The following PFKP variants were observed in gnomAD, a reference collection of about 807,000 sequenced individuals.
PFKP encodes ATP-dependent 6-phosphofructokinase, platelet type.
In PFKP, 101 loss-of-function variants were observed where a neutral mutation model predicts 94.3. The observed-to-expected ratio is 1.07, with a 90% confidence interval of 0.91 to 1.26. The LOEUF (loss-of-function observed/expected upper bound fraction) is 1.26. Among genes scored for constraint, PFKP ranks in the 50% most tolerant of loss-of-function variants. PFKP has a pLI of 0.00. For missense variants in PFKP, 1,145 were observed against 1,103.3 expected, an observed-to-expected ratio of 1.04 and a Z score of -0.53; for synonymous variants, 573 against 432.6, an observed-to-expected ratio of 1.32 and a Z score of -4.03.
chr10:3,134,706 C>G, intron 20 of PFKP, 124 bp downstream of exon 20: 1 of 636,324 alleles, frequency 1.6e-6, no homozygotes, highest in South Asian at 2.0e-5. Flanking sequence ...CTGAGCTGCA[C>G]GTGATGTTTT....
At chr10:3,073,322 A>G (rs1248422451) in intron 1 of PFKP, among the ~76,000 whole-genome samples, 5 of 151,858 alleles carry the variant, frequency 3.3e-5, no homozygotes, top group Non-Finnish European at 5.9e-5. Flanking sequence ...ACATATCCAC[A>G]GTGAAAGTGT....
chr10:3,135,084 A>C (rs986376250), intron 20 of PFKP, among the ~76,000 whole-genome samples: 6 of 152,220 alleles, frequency 3.9e-5, no homozygotes, highest in Admixed American at 3.3e-4. Flanking sequence ...CTTTAAACTG[A>C]AGTTTCAAGA....
At chr10:3,095,123 T>A (rs898556478) in intron 2 of PFKP, among the ~76,000 whole-genome samples, 7 of 152,006 alleles carry the variant, frequency 4.6e-5, no homozygotes, top group African/African-American at 1.7e-4. Context: ...CATGGACCCA[T>A]GCAACAAGCA....
intron 1 of PFKP, among the ~76,000 whole-genome samples, chr10:3,081,965 G>A (rs1833112485): frequency 9.2e-6 from 1 of 108,216 alleles, no homozygotes. Context: ...GTTTTCTGTT[G>A]AAGCCCATTG....
chr10:3,136,195 G>C (rs1564366003), intron 21 of PFKP, among the ~76,000 whole-genome samples: 1 of 152,158 alleles, frequency 6.6e-6, no homozygotes, highest in Non-Finnish European at 1.5e-5. Flanking sequence ...AACCCGGGAG[G>C]CAGAGGTTGC....
At chr10:3,082,330 G>A in intron 1 of PFKP, 58 bp from the exon 2 acceptor site, 2 of 1,342,136 alleles carry the variant, frequency 1.5e-6, no homozygotes, top group Non-Finnish European at 2.1e-6. Flanking sequence ...GGTAGTTAGT[G>A]GCAGAGCCAG....
In PFKP at chr10:3,067,603, C is replaced by T. The variant is rs1474591724; in HGVS notation, c.8C>T (p.Ala3Val). 4 of 1,521,438 alleles carry T rather than the reference C, an allele frequency of 2.6e-6. No homozygotes were observed. The Admixed American group carries it at 6.0e-5, about 23-fold the overall frequency. 94.2% of individuals were successfully genotyped at this position (1,521,438 alleles called of 1,614,324 possible). MD[A>V]DDSRAPKGSL... ...CCCCTCGGCCTCCTCGCCATGGACGCGGACGACTCCCGGGCCCCCAAGGGC... is the reference window on the plus strand; with the variant it reads ...CCCCTCGGCCTCCTCGCCATGGACGTGGACGACTCCCGGGCCCCCAAGGGC... Residue 3 changes from alanine (A) to valine (V), a missense_variant, in exon 1 of 22, where the codon GCG becomes GTG. This residue lies in a region of PFKP where 1,119 missense variants were observed against 1,062.8 expected (regional missense o/e 1.05). Transcript: ENST00000381125.
intron 1 of PFKP, among the ~76,000 whole-genome samples, chr10:3,078,378 C>T (rs1460450755): frequency 1.3e-5 from 2 of 152,206 alleles, no homozygotes; most frequent in Non-Finnish European, 2.9e-5. Context: ...CCCTCCAAAC[C>T]CCTCACTGAA....
In PFKP at chr10:3,067,683, C is replaced by A; in HGVS notation, c.88C>A (p.Leu30Met). The A allele has an allele frequency of 6.6e-7, 1 of 1,524,394 alleles. No individual in the cohort carries two copies. The highest frequency in any genetic ancestry group is 8.8e-7 in the Non-Finnish European group (1 of 1,135,118). The allele number at this position is 1,524,394 out of a possible 1,614,324, so 94.4% of individuals were successfully genotyped here. The change falls in exon 1 of 22, where the codon CTG (leucine) becomes ATG (methionine). Residue 30 changes from leucine to methionine, a missense_variant. Physicochemically the swap from Leu to Met is conservative, Grantham distance 15 (BLOSUM62 2). Coordinates refer to ENST00000381125, the MANE Select transcript of PFKP (RefSeq NM_002627.5). ...CGGGGCCGGCAAGGCCATCGGCGTG[C>A]TGACCAGCGGCGGGGATGCTCAAGG... Reference protein sequence around the residue: ...LSGAGKAIGVLTSGGDAQGMN... With the variant: ...LSGAGKAIGVMTSGGDAQGMN...
intron 16 of PFKP, among the ~76,000 whole-genome samples, chr10:3,120,966 T>C (rs1329388149): frequency 6.6e-6 from 1 of 152,252 alleles, no homozygotes; most frequent in Non-Finnish European, 1.5e-5. Context: ...TCTCAAGTTT[T>C]AATTTTTCTT....
At chr10:3,091,434 A>T (rs891705553) in intron 2 of PFKP, among the ~76,000 whole-genome samples, 11 of 152,134 alleles carry the variant, frequency 7.2e-5, no homozygotes, top group African/African-American at 2.7e-4. Flanking sequence ...ATTTGGTTTC[A>T]TTCATGAATT....
At chr10:3,111,058 A>T (rs893604010) in intron 10 of PFKP, among the ~76,000 whole-genome samples, 7 of 150,182 alleles carry the variant, frequency 4.7e-5, no homozygotes, top group African/African-American at 1.7e-4. Context: ...GCATGTGTAT[A>T]TATGTGTGTG....
intron 16 of PFKP, among the ~76,000 whole-genome samples, chr10:3,121,655 G>A (rs578222771): frequency 1.4e-5 from 2 of 147,958 alleles, no homozygotes; most frequent in African/African-American, 5.0e-5. Context: ...ACCAAAATAC[G>A]TGGGGCAAAA....
chr10:3,099,419 A>G (rs1437339800), intron 3 of PFKP, 67 bp downstream of exon 3: 34 of 1,220,154 alleles, frequency 2.8e-5, no homozygotes, highest in Admixed American at 1.0e-4. Flanking sequence ...GTAAATTCCC[A>G]GAACACTTGA....
chr10:3,119,696 C>T (rs79732845), intron 15 of PFKP, among the ~76,000 whole-genome samples, 196 bp from the exon 16 acceptor site: 2,948 of 152,266 alleles, frequency 0.019, 45 homozygotes, highest in Non-Finnish European at 0.031. Context: ...GTCTGTCCTG[C>T]GCCCTTTGTG....
chr10:3,067,724 C>A lies in PFKP; in HGVS notation c.112+17C>A. 1 of 1,389,154 alleles carries A rather than the reference C, an allele frequency of 7.2e-7. No homozygotes were observed. Among genetic ancestry groups the A allele is most frequent in the Non-Finnish European group, 9.7e-7 (1 of 1,035,030 alleles). 86.1% of individuals were successfully genotyped at this position (1,389,154 alleles called of 1,614,324 possible). A position where few individuals can be genotyped will look rare whatever the true frequency, so the allele number is the denominator to read the frequency against. ...ATGCTCAAGGTGCGCGCCCCCCTCC[C>A]GGCGGCGAGGGAGGGACGGACGGAC... On this transcript the variant is annotated intron_variant, in intron 1 of 21. Transcript: ENST00000381125.
In PFKP at chr10:3,113,196, G is replaced by C. The variant is rs765099632; in HGVS notation, c.1224+8G>C. ...GATGATCAGATCCCAAAGGTAGGTG[G>C]CCGGCCTCCCGCGATGCCCCGACCT... On this transcript the variant is annotated splice_region_variant and intron_variant, in intron 12 of 21. Coordinates refer to ENST00000381125, the MANE Select transcript of PFKP (RefSeq NM_002627.5). 6.2e-7 allele frequency: 1 copy of C among 1,609,898 alleles called. No individual in the cohort carries two copies. The highest frequency in any genetic ancestry group is 1.7e-5 in the Admixed American group (1 of 59,630).
At chr10:3,075,407 G>A (rs1041772005) in intron 1 of PFKP, among the ~76,000 whole-genome samples, 1 of 151,694 alleles carries the variant, frequency 6.6e-6, no homozygotes, top group Non-Finnish European at 1.5e-5. Context: ...ATACTCAAGG[G>A]CAGTATTGAA....
At chr10:3,110,955 TGTTA>T (rs1480854570) in intron 10 of PFKP, among the ~76,000 whole-genome samples, 1 of 151,250 alleles carries the variant, frequency 6.6e-6, no homozygotes, top group Non-Finnish European at 1.5e-5. Context: ...TGTGTGTGCA[TGTTA>T]GTGTGTGTGC....
Sources: gnomAD v4.1 joint callset for allele counts (sites outside exome capture counted in the v4.1 genomes callset) on GRCh38, gnomAD v4.1.1 for gene constraint, gnomAD v4.1.1 regional missense constraint, MANE v1.5 for transcripts, NCBI Gene and HGNC (gene_info 2026-07-23, HGNC 2026-07-21) for gene names.